VSTM5: variants seen among roughly 807,000 people sequenced by gnomAD.
VSTM5 encodes the protein V-set and transmembrane domain containing 5, also known as V-set and transmembrane domain-containing protein 5.
A neutral mutation model predicts 20.3 loss-of-function variants in VSTM5; 21 were observed. The observed-to-expected ratio is 1.03, with a 90% CI of 0.73 to 1.49. The LOEUF (loss-of-function observed/expected upper bound fraction) is 1.49, where lower values mean the gene tolerates loss of function less well. Ranked by LOEUF, VSTM5 falls within the 40% of genes most tolerant of loss-of-function variation. VSTM5 has a pLI of 0.00. For missense variants in VSTM5, 219 were observed against 250.0 expected, an observed-to-expected ratio of 0.88 and a Z score of 0.84; for synonymous variants, 100 against 102.5, an observed-to-expected ratio of 0.98 and a Z score of 0.14.
chr11:93,823,574 C>A (rs1208230269), intron 1 of VSTM5, among the ~76,000 whole-genome samples: 2 of 152,194 alleles, frequency 1.3e-5, no homozygotes, highest in African/African-American at 4.8e-5. Context: ...AACAGTTCTA[C>A]TCTATTTCTA....
intron 1 of VSTM5, among the ~76,000 whole-genome samples, chr11:93,843,674 T>C (rs1591403561): frequency 6.6e-6 from 1 of 152,172 alleles, no homozygotes; most frequent in East Asian, 1.9e-4. Context: ...TATTAAGTTA[T>C]AAAAAACTGA....
intron 1 of VSTM5, among the ~76,000 whole-genome samples, chr11:93,836,522 G>T (rs1944324298): frequency 6.6e-6 from 1 of 152,166 alleles, no homozygotes; most frequent in South Asian, 2.1e-4. Context: ...CTCTCACACT[G>T]CAGGGACTTA....
chr11:93,838,084 C>T (rs570452413), intron 1 of VSTM5, among the ~76,000 whole-genome samples: 1 of 152,162 alleles, frequency 6.6e-6, no homozygotes, highest in African/African-American at 2.4e-5. Context: ...CCGAAAGACC[C>T]AGGTTCTATC....
intron 1 of VSTM5, among the ~76,000 whole-genome samples, chr11:93,833,327 C>G (rs1944297082): frequency 6.6e-6 from 1 of 152,116 alleles, no homozygotes; most frequent in Non-Finnish European, 1.5e-5. Flanking sequence ...GCCTGTAATC[C>G]CAGCACTTTG....
intron 1 of VSTM5, among the ~76,000 whole-genome samples, chr11:93,844,766 A>G (rs115898709): frequency 1.5e-3 from 221 of 152,270 alleles, no homozygotes; most frequent in African/African-American, 5.0e-3. Context: ...TGCCTTTCTC[A>G]GTGCCCCCAG....
rs936316179 is a variant in VSTM5 at position 93,820,571 on chromosome 11, A to G, written c.601T>C (p.Ter201GlnextTer44). 6.4e-7 allele frequency: 1 copy of G among 1,551,974 alleles called. No homozygotes were observed. Among genetic ancestry groups the G allele is most frequent in the Non-Finnish European group, 8.7e-7 (1 of 1,147,070 alleles). ...EEIELEDVEC[*>Q] is the part of the protein sequence containing the mutation. ...AATGCAGTCAGGCCCAGCCTTGGCTAACACTCAACATCTTCCAGCTCAATC... is the reference window on the plus strand; with the variant it reads ...AATGCAGTCAGGCCCAGCCTTGGCTGACACTCAACATCTTCCAGCTCAATC... Residue 201 changes from the stop codon to glutamine, a stop_lost, in exon 4 of 4, where the codon TAG (stop) becomes CAG (glutamine). Coordinates refer to ENST00000409977, the MANE Select transcript of VSTM5 (RefSeq NM_001144871.2).
Position 93,819,224 on chromosome 11 carries a change from G to A in VSTM5, c.*1345C>T, listed in dbSNP as rs1335583739. The A allele has an allele frequency of 1.3e-5, 2 of 152,212 alleles. No homozygotes were observed. The highest frequency in any genetic ancestry group is 2.4e-5 in the African/African-American group (1 of 41,438). The allele number at this position is 152,212 out of a possible 1,614,324, so 9.4% of individuals were successfully genotyped here. A position where few individuals can be genotyped will look rare whatever the true frequency, so the allele number is the denominator to read the frequency against. On this transcript the variant is annotated 3_prime_UTR_variant, in exon 4 of 4. Transcript: ENST00000409977. ...TTGCATGGGTGAATTTGCAACTGAG[G>A]ACTAGGAACACATCATCATCGGATG...
At chr11:93,836,769 G>C (rs1944326156) in intron 1 of VSTM5, among the ~76,000 whole-genome samples, 1 of 152,190 alleles carries the variant, frequency 6.6e-6, no homozygotes, top group African/African-American at 2.4e-5. Flanking sequence ...CATGAGGGCA[G>C]GAGTTGCCTA....
chr11:93,834,153 G>A (rs1944304320), intron 1 of VSTM5, among the ~76,000 whole-genome samples: 1 of 152,130 alleles, frequency 6.6e-6, no homozygotes, highest in South Asian at 2.1e-4. Context: ...AGCCAACCCT[G>A]CAAGAGAATG....
At chr11:93,842,701 T>G (rs1044773515) in intron 1 of VSTM5, among the ~76,000 whole-genome samples, 2 of 152,196 alleles carry the variant, frequency 1.3e-5, no homozygotes, top group African/African-American at 2.4e-5. Context: ...GTGTGTTGAA[T>G]AGGAAGATAA....
chr11:93,834,598 ACAT>A (rs1565301966), intron 1 of VSTM5, among the ~76,000 whole-genome samples: 1 of 151,820 alleles, frequency 6.6e-6, no homozygotes, highest in African/African-American at 2.4e-5. Flanking sequence ...CCAACATGGC[ACAT>A]GTAAAGTCCG....
At chr11:93,837,011 G>GCAGA (rs1555038044) in intron 1 of VSTM5, among the ~76,000 whole-genome samples, 2 of 140,742 alleles carry the variant, frequency 1.4e-5, no homozygotes, top group African/African-American at 5.4e-5. Context: ...AAAAAAAAAT[G>GCAGA]CACACACACA....
intron 1 of VSTM5, among the ~76,000 whole-genome samples, chr11:93,835,893 AT>A (rs1234781044): frequency 1.3e-5 from 2 of 152,234 alleles, no homozygotes; most frequent in African/African-American, 4.8e-5. Context: ...ACAGATACAT[AT>A]TTTGAATTTT....
intron 1 of VSTM5, among the ~76,000 whole-genome samples, chr11:93,822,934 C>T (rs1347020265): frequency 6.6e-6 from 1 of 152,214 alleles, no homozygotes; most frequent in African/African-American, 2.4e-5. Flanking sequence ...TATATTATAA[C>T]TTCTGCGCAT....
At position 93,820,338 on chromosome 11, in the gene VSTM5, T is replaced by G. The variant is rs775153850; in HGVS notation, c.*231A>C. ...TGATGCTGCAGCCAAGCGAAGCTCC[T>G]GGTTCAAAGCCTCAATCACTCTTCT... On this transcript the variant is annotated 3_prime_UTR_variant, in exon 4 of 4. Coordinates refer to ENST00000409977, the MANE Select transcript of VSTM5 (RefSeq NM_001144871.2). 15 of 547,880 alleles carry G rather than the reference T, an allele frequency of 2.7e-5. No homozygotes were observed. Among genetic ancestry groups the G allele is most frequent in the Non-Finnish European group, 3.9e-5 (12 of 306,188 alleles). 33.9% of individuals were successfully genotyped at this position (547,880 alleles called of 1,614,324 possible). A position where few individuals can be genotyped will look rare whatever the true frequency, so the allele number is the denominator to read the frequency against.
chr11:93,831,534 T>C (rs903577553), intron 1 of VSTM5, among the ~76,000 whole-genome samples: 1 of 152,154 alleles, frequency 6.6e-6, no homozygotes, highest in East Asian at 1.9e-4. Context: ...AGGTGGTAAT[T>C]CCCCCTCTCA....
intron 1 of VSTM5, among the ~76,000 whole-genome samples, chr11:93,844,618 G>A (rs1944397876): frequency 6.6e-6 from 1 of 152,124 alleles, no homozygotes; most frequent in South Asian, 2.1e-4. Context: ...CCTTCTACTG[G>A]CCCACAAAGA....
At chr11:93,828,836 G>A (rs1352883438) in intron 1 of VSTM5, among the ~76,000 whole-genome samples, 6 of 152,140 alleles carry the variant, frequency 3.9e-5, no homozygotes, top group Non-Finnish European at 5.9e-5. Flanking sequence ...TCAGAAAACT[G>A]TTACAGTAGG....
intron 1 of VSTM5, among the ~76,000 whole-genome samples, chr11:93,834,116 C>T (rs1464475723): frequency 6.6e-6 from 1 of 152,154 alleles, no homozygotes; most frequent in Non-Finnish European, 1.5e-5. Context: ...TAACAATGTT[C>T]TACTCTTTCT....
Sources: allele counts gnomAD v4.1 joint callset (sites outside exome capture counted in the v4.1 genomes callset), GRCh38; gene constraint gnomAD v4.1.1; transcripts MANE v1.5; gene names NCBI Gene and HGNC (gene_info 2026-07-23, HGNC 2026-07-21).